NBEA: variants seen among roughly 807,000 people sequenced by gnomAD.
The protein encoded by NBEA is lysosomal-trafficking regulator 2.
In NBEA, 44 loss-of-function variants were observed where a neutral mutation model predicts 343.4. That is an observed-to-expected ratio of 0.13 (90% CI 0.10 to 0.16). The LOEUF (loss-of-function observed/expected upper bound fraction) is 0.16, where lower values mean the gene tolerates loss of function less well. NBEA is among the 10% of genes least tolerant of loss of function. The pLI, the probability that NBEA is intolerant of heterozygous loss-of-function variation, is 1.00. For missense variants in NBEA, 2,555 were observed against 3,631.3 expected (o/e 0.70, Z 7.62); for synonymous variants, 1,175 against 1,238.7 (o/e 0.95, Z 1.08).
chr13:35,081,889 C>A (rs2152605719), intron 10 of NBEA, among the ~76,000 whole-genome samples: 2 of 151,904 alleles, frequency 1.3e-5, no homozygotes, highest in Middle Eastern at 3.4e-3. Flanking sequence ...ATCACCATCA[C>A]CTTGAGTATT....
intron 43 of NBEA, among the ~76,000 whole-genome samples, chr13:35,551,367 T>C (rs1651587215): frequency 6.6e-6 from 1 of 152,180 alleles, no homozygotes; most frequent in Non-Finnish European, 1.5e-5. Flanking sequence ...TTAATTGCTA[T>C]GTAATAGCAT....
chr13:35,457,301 G>A (rs1363266437), intron 40 of NBEA, among the ~76,000 whole-genome samples: 1 of 151,782 alleles, frequency 6.6e-6, no homozygotes, highest in South Asian at 2.1e-4. Flanking sequence ...TCATATAATT[G>A]ACCTGTTTAC....
intron 45 of NBEA, among the ~76,000 whole-genome samples, chr13:35,580,876 C>T (rs999253144): frequency 1.3e-5 from 2 of 152,060 alleles, no homozygotes; most frequent in Non-Finnish European, 2.9e-5. Flanking sequence ...AATAACATGA[C>T]TTTGATGAAA....
intron 1 of NBEA, among the ~76,000 whole-genome samples, chr13:34,973,567 G>T (rs2060068507): frequency 6.6e-6 from 1 of 151,346 alleles, no homozygotes; most frequent in Non-Finnish European, 1.5e-5. Flanking sequence ...TCATGTTTTG[G>T]TAGAGGAGCT....
chr13:35,264,577 G>A (rs1198405028), intron 34 of NBEA, among the ~76,000 whole-genome samples: 1 of 146,408 alleles, frequency 6.8e-6, no homozygotes, highest in East Asian at 2.0e-4. Context: ...TCCTAGGGAT[G>A]CAGGGATAGT....
Position 34,942,694 on chromosome 13 carries a change from C to T in NBEA, c.-127C>T, listed in dbSNP as rs1045875857. ...CTGAGGCGCAGGCGGGGAGCGGGCC[C>T]GGCGCCGCGGCGCTGGTGGATGCTG... On this transcript the variant is annotated 5_prime_UTR_variant, in exon 1 of 59. Transcript: ENST00000379939. 6.0e-6 allele frequency: 4 copies of T among 665,040 alleles called. No homozygotes were observed. The highest frequency in any genetic ancestry group is 6.3e-6 in the Non-Finnish European group (3 of 475,986). 41.2% of individuals were successfully genotyped at this position (665,040 alleles called of 1,614,324 possible). A position where few individuals can be genotyped will look rare whatever the true frequency, so the allele number is the denominator to read the frequency against.
chr13:35,198,407 A>G (rs554160494), intron 31 of NBEA, among the ~76,000 whole-genome samples: 4 of 152,306 alleles, frequency 2.6e-5, no homozygotes, highest in Non-Finnish European at 5.9e-5. Flanking sequence ...TGAAAATCCA[A>G]TGAAATAAAC....
intron 48 of NBEA, among the ~76,000 whole-genome samples, chr13:35,621,665 C>T (rs2082997842): frequency 6.6e-6 from 1 of 152,134 alleles, no homozygotes; most frequent in Non-Finnish European, 1.5e-5. Context: ...TCAATATTTG[C>T]TGAGTGAATG....
intron 38 of NBEA, among the ~76,000 whole-genome samples, chr13:35,372,460 A>T (rs370816011): frequency 2.0e-4 from 31 of 152,256 alleles, no homozygotes; most frequent in African/African-American, 7.5e-4. Context: ...GGGCAGATCC[A>T]GGCCAGCAGG....
chr13:35,069,143 G>T (rs749157943), intron 8 of NBEA, among the ~76,000 whole-genome samples: 7 of 152,058 alleles, frequency 4.6e-5, no homozygotes, highest in Non-Finnish European at 1.0e-4. Flanking sequence ...TTAGAATTAC[G>T]TGCTGGCCCC....
At chr13:35,291,070 T>G (rs2035773793) in intron 35 of NBEA, among the ~76,000 whole-genome samples, 1 of 151,894 alleles carries the variant, frequency 6.6e-6, no homozygotes, top group Non-Finnish European at 1.5e-5. Flanking sequence ...TATTTTCTGA[T>G]TACTTAAATA....
intron 36 of NBEA, among the ~76,000 whole-genome samples, chr13:35,333,689 T>A (rs908442665): frequency 3.9e-5 from 6 of 152,124 alleles, no homozygotes; most frequent in Admixed American, 1.3e-4. Context: ...TCTCTCCAAC[T>A]CCTCAATACC....
chr13:35,233,781 AAT>A (rs1386295877), intron 34 of NBEA, among the ~76,000 whole-genome samples: 2 of 152,158 alleles, frequency 1.3e-5, no homozygotes, highest in African/African-American at 4.8e-5. Context: ...AAACAAAATG[AAT>A]AATTAAATTA....
At position 35,109,400 on chromosome 13, in the gene NBEA, C is replaced by A; in HGVS notation, c.1791C>A (p.His597Gln). The A allele has an allele frequency of 1.2e-6, 2 of 1,611,030 alleles. No individual in the cohort carries two copies. Among genetic ancestry groups the A allele is most frequent in the Non-Finnish European group, 1.7e-6 (2 of 1,178,552 alleles). ...CTTTGCTGAAGCAGCTTTGTGATCA[C>A]ATTTTATTTAACCCAGCCATCTGGA... ...GAPLLKQLCD[H>Q]ILFNPAIWIH... The change falls in exon 12 of 59, where the codon CAC (histidine) becomes CAA (glutamine). Residue 597 changes from histidine to glutamine, a missense_variant. Physicochemically the swap from His to Gln is conservative, Grantham distance 24 (BLOSUM62 0). Transcript: ENST00000379939.
At chr13:35,054,633 G>A in intron 6 of NBEA, among the ~76,000 whole-genome samples, 1 of 135,842 alleles carries the variant, frequency 7.4e-6, no homozygotes, top group East Asian at 2.1e-4. Context: ...TTCTTTTTCT[G>A]TTTTCTTTTC....
intron 26 of NBEA, among the ~76,000 whole-genome samples, chr13:35,171,827 A>G (rs1227982969): frequency 6.6e-6 from 1 of 152,020 alleles, no homozygotes; most frequent in Non-Finnish European, 1.5e-5. Context: ...CCTCACAAAC[A>G]TGTCAGATAC....
intron 38 of NBEA, among the ~76,000 whole-genome samples, chr13:35,387,965 AT>A (rs1433581581): frequency 7.9e-5 from 12 of 152,172 alleles, no homozygotes; most frequent in Admixed American, 3.3e-4. Context: ...CATCCTCTTA[AT>A]AGAGGAAAAT....
intron 38 of NBEA, among the ~76,000 whole-genome samples, chr13:35,397,545 A>G (rs1445340036): frequency 6.6e-6 from 1 of 152,158 alleles, no homozygotes; most frequent in Admixed American, 6.6e-5. Flanking sequence ...TCAGTGCTGT[A>G]TCCTCAGCTC....
chr13:35,236,397 AT>A (rs2075231332), intron 34 of NBEA, among the ~76,000 whole-genome samples: 1 of 150,454 alleles, frequency 6.6e-6, no homozygotes. Context: ...TTCTTTCTGC[AT>A]TTAATCCTTT....
Sources: allele counts gnomAD v4.1 joint callset (sites outside exome capture counted in the v4.1 genomes callset), GRCh38; gene constraint gnomAD v4.1.1; transcripts MANE v1.5; gene names NCBI Gene and HGNC (gene_info 2026-07-23, HGNC 2026-07-21).